Variants in FAM83E observed in about 807,000 individuals in gnomAD.
FAM83E encodes scaffolding CK1 anchoring protein E.
FAM83E carries 29 observed loss-of-function variants against 34.3 expected under a neutral mutation model. The ratio of observed to expected loss-of-function variants is 0.85; its 90% confidence interval spans 0.63 to 1.15. FAM83E has a LOEUF of 1.15. Among genes scored for constraint, FAM83E ranks in the 50% most tolerant of loss-of-function variants. FAM83E has a pLI of 0.00. For synonymous variants in FAM83E, 312 were observed against 311.6 expected, an observed-to-expected ratio of 1.00 and a Z score of -0.01; for missense variants, 697 against 685.0, an observed-to-expected ratio of 1.02 and a Z score of -0.20.
Position 48,614,039 on chromosome 19 carries a change from C to A in FAM83E, c.-667G>T, listed in dbSNP as rs1339426790. ...TGTCTCTGGCCAAATCTGACAGCCCCCACGAGTTTCTCCTGCTCATCAGCT... is the reference window on the plus strand; with the variant it reads ...TGTCTCTGGCCAAATCTGACAGCCCACACGAGTTTCTCCTGCTCATCAGCT... On this transcript the variant is annotated 5_prime_UTR_variant, in exon 3 of 7. Coordinates refer to ENST00000263266, the MANE Select transcript of FAM83E (RefSeq NM_017708.4). The A allele has an allele frequency of 1.0e-5, 10 of 985,562 alleles. No individual in the cohort carries two copies. The highest frequency in any genetic ancestry group is 1.1e-5 in the Non-Finnish European group (9 of 830,118). The allele number at this position is 985,562 out of a possible 1,614,324, so 61.1% of individuals were successfully genotyped here.
intron 5 of FAM83E, among the ~76,000 whole-genome samples, chr19:48,608,420 G>A (rs1173903550): frequency 7.3e-6 from 1 of 136,862 alleles, no homozygotes; most frequent in Non-Finnish European, 1.6e-5. Context: ...GCCTTTTTCC[G>A]TTTTCTTTTT....
chr19:48,614,186 TCA>T lies in FAM83E; in HGVS notation c.-816_-815del. 1.0e-6 allele frequency: 1 copy of T among 985,660 alleles called. No individual in the cohort carries two copies. The highest frequency in any genetic ancestry group is 1.2e-6 in the Non-Finnish European group (1 of 830,174). 61.1% of individuals were successfully genotyped at this position (985,660 alleles called of 1,614,324 possible). ...GGGGACCCTGCTCCCTGGACCCTCC[TCA>T]CACTCCTTCCAGCTGCTGCAGTGGA... On this transcript the variant is annotated 5_prime_UTR_variant, in exon 3 of 7. The change creates a premature stop within an existing upstream ORF in the 5' untranslated region. Transcript: ENST00000263266.
At chr19:48,610,968 T>TA in intron 3 of FAM83E, 121 bp from the exon 4 acceptor site, 1 of 1,041,738 alleles carries the variant, frequency 9.6e-7, no homozygotes, top group Non-Finnish European at 1.4e-6. Flanking sequence ...GCTGGGAGTT[T>TA]AAAGTTCAGG....
In FAM83E at chr19:48,613,222, G is replaced by A; in HGVS notation, c.151C>T (p.Gln51Ter). 1.2e-6 allele frequency: 2 copies of A among 1,610,872 alleles called. No homozygotes were observed. Among genetic ancestry groups the A allele is most frequent in the South Asian group, 2.2e-5 (2 of 91,088 alleles). ...KGAEAFQTCV[Q>*]REELWPFLSA... ...AGGAAGGGCCACAGCTCCTCGCGCT[G>A]CACGCAGGTCTGGAACGCCTCCGCG... is the stretch of plus-strand genomic sequence containing the variant. The change falls in exon 3 of 7, where the codon CAG becomes TAG. Residue 51 changes from glutamine (Q) to a stop codon, truncating the protein, a stop_gained. Coordinates refer to ENST00000263266, the MANE Select transcript of FAM83E (RefSeq NM_017708.4). LOFTEE classifies it high-confidence loss of function.
chr19:48,608,806 C>T (rs1016588885), intron 5 of FAM83E, among the ~76,000 whole-genome samples: 3 of 136,004 alleles, frequency 2.2e-5, no homozygotes, highest in African/African-American at 9.2e-5. Context: ...GGTTGAAAGC[C>T]ACTGTTCCTG....
intron 6 of FAM83E, among the ~76,000 whole-genome samples, chr19:48,603,143 T>A (rs145008016): frequency 4.6e-5 from 7 of 152,112 alleles, no homozygotes; most frequent in African/African-American, 1.7e-4. Context: ...AGTGGATTCC[T>A]CCCCCAACCA....
intron 5 of FAM83E, among the ~76,000 whole-genome samples, 175 bp from the exon 6 acceptor site, chr19:48,604,086 G>A (rs73579563): frequency 0.023 from 3,533 of 152,134 alleles, 158 homozygotes; most frequent in African/African-American, 0.079. Context: ...CGGGAGGGGT[G>A]GAGTGAAGAC....
intron 6 of FAM83E, among the ~76,000 whole-genome samples, chr19:48,602,744 T>A (rs1973848529): frequency 2.9e-5 from 3 of 104,144 alleles, no homozygotes; most frequent in Admixed American, 2.2e-4. Flanking sequence ...TATATATATA[T>A]ATATATATAG....
In FAM83E at chr19:48,601,096, C is replaced by A; in HGVS notation, c.*13G>T. The stretch of plus-strand genomic sequence containing the variant: ...TCCTTGGGTGGGCCAGCAGATTTGG[C>A]TTGGGCTCCTGTTCAGGGTTGCCCC... On this transcript the variant is annotated 3_prime_UTR_variant, in exon 7 of 7. Coordinates refer to ENST00000263266, the MANE Select transcript of FAM83E (RefSeq NM_017708.4). 1 of 1,601,680 alleles carries A rather than the reference C, an allele frequency of 6.2e-7. No individual in the cohort carries two copies. The highest frequency in any genetic ancestry group is 1.1e-5 in the South Asian group (1 of 89,608).
rs1033184868 is a variant in FAM83E at position 48,600,184 on chromosome 19, C to T, written c.*925G>A. ...ATCTTCCCCTCCACAGCTCTAGCAG[C>T]TCTAGCTCGGGGCCTCACCCGGGCC... On this transcript the variant is annotated 3_prime_UTR_variant, in exon 7 of 7. Coordinates refer to ENST00000263266, the MANE Select transcript of FAM83E (RefSeq NM_017708.4). Among the ~76,000 whole-genome samples, 7 of 152,336 alleles carry T rather than the reference C, an allele frequency of 4.6e-5. No homozygotes were observed. The South Asian group carries it at 6.2e-4, about 14-fold the overall frequency.
In FAM83E at chr19:48,614,809, C is replaced by G. The variant is rs1392767733; in HGVS notation, c.-1357G>C. ...CGGCTTCTACTTCTGCGGTGCTTCC[C>G]GGCTTCTGGCCTCACTCATCAGGCC... On this transcript the variant is annotated 5_prime_UTR_variant, in exon 2 of 7. Transcript: ENST00000263266. The G allele has an allele frequency of 1.2e-5, 12 of 985,434 alleles. No individual in the cohort carries two copies. The highest frequency in any genetic ancestry group is 1.4e-5 in the Non-Finnish European group (12 of 829,886). 61.0% of individuals were successfully genotyped at this position (985,434 alleles called of 1,614,324 possible). A position where few individuals can be genotyped will look rare whatever the true frequency, so the allele number is the denominator to read the frequency against.
At chr19:48,601,796 G>T (rs1370082129) in intron 6 of FAM83E, among the ~76,000 whole-genome samples, 2 of 150,916 alleles carry the variant, frequency 1.3e-5, no homozygotes, top group Non-Finnish European at 3.0e-5. Flanking sequence ...TAGAGGATTT[G>T]AGGGAGGTGG....
rs1485803745 is a variant in FAM83E, at chr19:48,602,701, AAAAATATATATATATATATATATATAT to A, written c.1176+766_1176+792del. 1.1e-4 allele frequency among the ~76,000 whole-genome samples: 5 copies of A among 44,244 alleles called. 1 individual carries two copies. Among genetic ancestry groups the A allele is most frequent in the Admixed American group, 2.6e-4 (1 of 3,806 alleles). 29.0% of individuals were successfully genotyped at this position (44,244 alleles called of 152,430 possible). The stretch of plus-strand genomic sequence containing the variant: ...GACCCTATCTCAAAAAAAAAAAAAA[AAAAATATATATATATATATATATATAT>A]ATATATATATATATATATATATATA... On this transcript the variant is annotated intron_variant, in intron 6 of 6. Transcript: ENST00000263266.
rs879869710 is a variant in FAM83E at position 48,614,162 on chromosome 19, GGGACCCTGCTCCCT to G, written c.-804_-791del. ...AAACCCTTCCCTACCCTGTCAATGG[GGGACCCTGCTCCCT>G]GGACCCTCCTCACACTCCTTCCAGC... On this transcript the variant is annotated 5_prime_UTR_variant, in exon 3 of 7. The change creates a premature stop within an existing upstream ORF in the 5' untranslated region. Transcript: ENST00000263266. The G allele has an allele frequency of 9.0e-4, 886 of 985,808 alleles. 2 individuals carry two copies. The highest frequency in any genetic ancestry group is 5.2e-3 in the Middle Eastern group (10 of 1,918). The allele number at this position is 985,808 out of a possible 1,614,324, so 61.1% of individuals were successfully genotyped here.
In FAM83E at chr19:48,600,977, A is replaced by G; in HGVS notation, c.*132T>C. 1 of 1,468,842 alleles carries G rather than the reference A, an allele frequency of 6.8e-7. No individual in the cohort carries two copies. Among genetic ancestry groups the G allele is most frequent in the South Asian group, 1.4e-5 (1 of 70,270 alleles). 91.0% of individuals were successfully genotyped at this position (1,468,842 alleles called of 1,614,324 possible). On this transcript the variant is annotated 3_prime_UTR_variant, in exon 7 of 7. Transcript: ENST00000263266. Reference sequence around the variant, plus strand: ...CCAAGTTGCAGAACAAGTGACAAACATCCCTTCTGCTTGACAGACGCCGAG... The same window carrying G: ...CCAAGTTGCAGAACAAGTGACAAACGTCCCTTCTGCTTGACAGACGCCGAG...
Position 48,603,869 on chromosome 19 carries a change from G to A in FAM83E, c.801C>T (p.Thr267=), listed in dbSNP as rs376766728. The change falls in exon 6 of 7, where the codon ACC becomes ACT. Residue 267 remains threonine (T), a synonymous_variant. Coordinates refer to ENST00000263266, the MANE Select transcript of FAM83E (RefSeq NM_017708.4). The part of the protein sequence containing the change: ...SDARLHRGLV[T]LLTGEIVDAF... Reference sequence around the variant, plus strand: ...CGTCAACAATTTCACCAGTCAGCAGGGTCACCAGGCCTCGGTGCAGGCGTG... The same window carrying A: ...CGTCAACAATTTCACCAGTCAGCAGAGTCACCAGGCCTCGGTGCAGGCGTG... 12 of 1,608,234 alleles carry A rather than the reference G, an allele frequency of 7.5e-6. No homozygotes were observed. In the African/African-American group the frequency reaches 1.2e-4, roughly 16 times the overall value.
Position 48,614,765 on chromosome 19 carries a change from A to T in FAM83E, c.-1313T>A, listed in dbSNP as rs931254775. ...CCTTCCAGTGCCTGCTTTTTCCGAG[A>T]ACGTAGGCTGTGGCTCCCCGGCTTC... On this transcript the variant is annotated 5_prime_UTR_variant, in exon 2 of 7. Transcript: ENST00000263266. The T allele has an allele frequency of 1.0e-6, 1 of 984,806 alleles. No individual in the cohort carries two copies. 61.0% of individuals were successfully genotyped at this position (984,806 alleles called of 1,614,324 possible). A position where few individuals can be genotyped will look rare whatever the true frequency, so the allele number is the denominator to read the frequency against.
intron 5 of FAM83E, chr19:48,607,510 A>G (rs1420351277): frequency 6.8e-6 from 7 of 1,026,462 alleles, no homozygotes; most frequent in Non-Finnish European, 9.8e-6. Flanking sequence ...GCCCGGTGCT[A>G]GGGGAAGCAT....
At position 48,603,550 on chromosome 19, in the gene FAM83E, T is replaced by G; in HGVS notation, c.1120A>C (p.Met374Leu). The G allele has an allele frequency of 6.4e-7, 1 of 1,565,522 alleles. No homozygotes were observed. Among genetic ancestry groups the G allele is most frequent in the Non-Finnish European group, 8.6e-7 (1 of 1,164,004 alleles). Reference sequence around the variant, plus strand: ...TGGGACAGGCGGCTTAGGTCCCACATGGAGCGGCTGGGCCGGGCCGGGGGG... The same window carrying G: ...TGGGACAGGCGGCTTAGGTCCCACAGGGAGCGGCTGGGCCGGGCCGGGGGG... ...SGPPARPSRS[M>L]WDLSRLSQLS... Residue 374 changes from methionine to leucine, a missense_variant, in exon 6 of 7, where the codon ATG becomes CTG. Physicochemically the swap from Met to Leu is conservative, Grantham distance 15 (BLOSUM62 2). Coordinates refer to ENST00000263266, the MANE Select transcript of FAM83E (RefSeq NM_017708.4).
Sources: allele counts gnomAD v4.1 joint callset (sites outside exome capture counted in the v4.1 genomes callset), GRCh38; gene constraint gnomAD v4.1.1; transcripts MANE v1.5; gene names NCBI Gene and HGNC (gene_info 2026-07-23, HGNC 2026-07-21).